WWOX: variants seen among roughly 807,000 people sequenced by gnomAD.
WWOX encodes WW domain-containing oxidoreductase.
A neutral mutation model predicts 46.2 loss-of-function variants in WWOX; 69 were observed. The ratio of observed to expected loss-of-function variants is 1.49; its 90% CI spans 1.23 to 1.82. The LOEUF is 1.82. Ranked by LOEUF, WWOX falls within the 40% of genes most tolerant of loss-of-function variation. The pLI, the probability that WWOX is intolerant of heterozygous loss-of-function variation, is 0.00. For synonymous variants in WWOX, 359 were observed against 202.6 expected (o/e 1.77, Z -6.56); for missense variants, 919 against 542.6 (o/e 1.69, Z -6.89).
chr16:78,807,051 A>C (rs1415559101), intron 8 of WWOX, among the ~76,000 whole-genome samples: 1 of 152,160 alleles, frequency 6.6e-6, no homozygotes, highest in Non-Finnish European at 1.5e-5. Context: ...ATGCAAATAA[A>C]ATCTGTAATT....
At chr16:79,051,362 CAG>C (rs1448255922) in intron 8 of WWOX, among the ~76,000 whole-genome samples, 2 of 152,208 alleles carry the variant, frequency 1.3e-5, no homozygotes, top group African/African-American at 4.8e-5. Context: ...AAATCCAAAA[CAG>C]GTGCTGTGAT....
intron 5 of WWOX, among the ~76,000 whole-genome samples, chr16:78,351,809 A>C (rs2081189193): frequency 1.3e-5 from 2 of 152,104 alleles, no homozygotes; most frequent in South Asian, 4.2e-4. Flanking sequence ...GACGTGTATC[A>C]CCAGGCCCAG....
At chr16:78,583,141 G>A (rs544403333) in intron 8 of WWOX, among the ~76,000 whole-genome samples, 7 of 152,160 alleles carry the variant, frequency 4.6e-5, no homozygotes, top group Non-Finnish European at 8.8e-5. Context: ...GTCCTTGTGA[G>A]TCTCTTAATT....
intron 8 of WWOX, among the ~76,000 whole-genome samples, chr16:79,099,525 T>C (rs138215472): frequency 2.6e-5 from 4 of 152,200 alleles, no homozygotes; most frequent in African/African-American, 9.6e-5. Context: ...CCAGTTTCTT[T>C]AATTTTTTTT....
At chr16:78,554,393 A>C (rs2044240775) in intron 8 of WWOX, among the ~76,000 whole-genome samples, 2 of 152,212 alleles carry the variant, frequency 1.3e-5, no homozygotes. Context: ...AATTCAAAAA[A>C]TTGCAACCTG....
rs1336933364 is a variant in WWOX at position 78,514,369 on chromosome 16, A to G, written c.1056+81617A>G. On this transcript the variant is annotated intron_variant, in intron 8 of 8. Transcript: ENST00000566780. ...CTTGAAAACAGCTTGTGAGTTCACT[A>G]TTAGGTCCATGAAATTTTTCTCCTT... is the stretch of plus-strand genomic sequence containing the variant. Among the ~76,000 whole-genome samples the G allele has an allele frequency of 5.3e-5, 8 of 152,338 alleles. No homozygotes were observed. In the South Asian group the frequency reaches 1.4e-3, roughly 28 times the overall value.
At chr16:78,144,521 ATAT>A (rs1249186919) in intron 4 of WWOX, among the ~76,000 whole-genome samples, 3,580 of 24,122 alleles carry the variant, frequency 0.15, 418 homozygotes, top group East Asian at 0.5. Context: ...ATATATATAT[ATAT>A]TTTTTTTTTT....
intron 8 of WWOX, among the ~76,000 whole-genome samples, chr16:78,628,310 G>T (rs1162841349): frequency 6.6e-6 from 1 of 152,150 alleles, no homozygotes; most frequent in Non-Finnish European, 1.5e-5. Flanking sequence ...TTTCAGTTCA[G>T]TGTTTCAGAA....
intron 6 of WWOX, among the ~76,000 whole-genome samples, chr16:78,399,089 G>A (rs1212010629): frequency 1.3e-5 from 2 of 150,956 alleles, no homozygotes; most frequent in African/African-American, 4.9e-5. Flanking sequence ...CTAGATGGAT[G>A]GAAGGGGTGG....
At chr16:78,724,682 G>T (rs4888833) in intron 8 of WWOX, among the ~76,000 whole-genome samples, 98,901 of 151,678 alleles carry the variant, frequency 0.65, 34,118 homozygotes, top group African/African-American at 0.9. Context: ...ATCAAAATCA[G>T]CTCGTCACCC....
intron 8 of WWOX, among the ~76,000 whole-genome samples, chr16:78,784,789 C>T (rs959163771): frequency 3.3e-5 from 5 of 152,214 alleles, no homozygotes; most frequent in Non-Finnish European, 5.9e-5. Flanking sequence ...TCCTGACCTT[C>T]ATAATAAGGA....
chr16:78,372,800 C>G lies in WWOX; in HGVS notation c.517-14060C>G, dbSNP rs141812745. Among the ~76,000 whole-genome samples the G allele has an allele frequency of 2.1e-3, 327 of 152,286 alleles. 2 individuals are homozygous for G. Among genetic ancestry groups the G allele is most frequent in the African/African-American group, 7.6e-3 (314 of 41,564 alleles). ...ATTCATGAGTAGTGGCCACACCAGTCTTTCCTAGACTTGAATCTCAAGTTG... is the reference window on the plus strand; with the variant it reads ...ATTCATGAGTAGTGGCCACACCAGTGTTTCCTAGACTTGAATCTCAAGTTG... On this transcript the variant is annotated intron_variant, in intron 5 of 8. Transcript: ENST00000566780.
At chr16:79,068,869 A>G (rs1198975173) in intron 8 of WWOX, among the ~76,000 whole-genome samples, 1 of 148,082 alleles carries the variant, frequency 6.8e-6, no homozygotes, top group African/African-American at 2.5e-5. Flanking sequence ...TAATAAAGAA[A>G]GCGAGAGAGG....
chr16:78,701,746 G>A lies in WWOX; in HGVS notation c.1056+268994G>A, dbSNP rs567360473. Among the ~76,000 whole-genome samples the A allele has an allele frequency of 2.0e-3, 300 of 152,018 alleles. 1 individual carries two copies. The highest frequency in any genetic ancestry group is 4.6e-3 in the Admixed American group (70 of 15,250). On this transcript the variant is annotated intron_variant, in intron 8 of 8. Coordinates refer to ENST00000566780, the MANE Select transcript of WWOX (RefSeq NM_016373.4). ...GGAAGCTGCAGTAGGGGTTCTTTGG[G>A]ACCCAGTTAAGCAGTGGGCCCTTGC...
chr16:79,081,208 G>T (rs971193434), intron 8 of WWOX, among the ~76,000 whole-genome samples: 5 of 152,192 alleles, frequency 3.3e-5, no homozygotes, highest in African/African-American at 1.2e-4. Flanking sequence ...CTGTTGCCCA[G>T]GCTCGAGTGC....
chr16:78,746,596 A>C (rs1429491226), intron 8 of WWOX, among the ~76,000 whole-genome samples: 1 of 151,478 alleles, frequency 6.6e-6, no homozygotes, highest in African/African-American at 2.4e-5. Flanking sequence ...TTGGCCTTGT[A>C]ATTTTTTTTT....
intron 8 of WWOX, among the ~76,000 whole-genome samples, chr16:78,919,184 C>T (rs1322202552): frequency 6.6e-6 from 1 of 152,118 alleles, no homozygotes; most frequent in Non-Finnish European, 1.5e-5. Flanking sequence ...CATGCATGGG[C>T]TCTGTGCTAT....
chr16:79,126,765 G>T (rs1281278869), intron 8 of WWOX, among the ~76,000 whole-genome samples: 1 of 152,104 alleles, frequency 6.6e-6, no homozygotes, highest in Admixed American at 6.6e-5. Context: ...AAGAAATTTA[G>T]ACTCCAGCCT....
chr16:78,453,730 C>T (rs946659437), intron 8 of WWOX, among the ~76,000 whole-genome samples: 44 of 152,018 alleles, frequency 2.9e-4, no homozygotes, highest in African/African-American at 9.7e-4. Context: ...AAGTGTAATA[C>T]AGGGTGAATT....
Sources: gnomAD v4.1 joint callset for allele counts (sites outside exome capture counted in the v4.1 genomes callset) on GRCh38, gnomAD v4.1.1 for gene constraint, MANE v1.5 for transcripts, NCBI Gene and HGNC (gene_info 2026-07-23, HGNC 2026-07-21) for gene names.